The following NDUFAF6 variants were observed in gnomAD, a reference collection of about 807,000 sequenced individuals.
NDUFAF6 encodes the protein NADH dehydrogenase (ubiquinone) complex I, assembly factor 6.
Under a neutral mutation model 40.8 loss-of-function variants are expected in NDUFAF6, and 45 were observed. The observed-to-expected ratio is 1.10, with a 90% CI of 0.87 to 1.42. The LOEUF (loss-of-function observed/expected upper bound fraction) is 1.42, where lower values mean the gene tolerates loss of function less well. Among genes scored for constraint, NDUFAF6 ranks in the 40% most tolerant of loss-of-function variants. NDUFAF6 has a pLI of 0.00. For synonymous variants in NDUFAF6, 185 were observed against 155.9 expected, an observed-to-expected ratio of 1.19 and a Z score of -1.39; for missense variants, 435 against 418.5, an observed-to-expected ratio of 1.04 and a Z score of -0.34.
intron 2 of NDUFAF6, among the ~76,000 whole-genome samples, chr8:95,009,777 G>A (rs564530086): frequency 1.4e-4 from 21 of 152,238 alleles, no homozygotes; most frequent in African/African-American, 5.1e-4. Flanking sequence ...AGAGAAAGGA[G>A]TATTTAGAGA....
chr8:94,909,470 C>G (rs1272302357), intron 1 of NDUFAF6, among the ~76,000 whole-genome samples: 1 of 142,762 alleles, frequency 7.0e-6, no homozygotes, highest in East Asian at 2.1e-4. Flanking sequence ...ACTAAAAATA[C>G]AAAAAATTAG....
Position 95,071,197 on chromosome 8 carries a change from T to C in NDUFAF6, c.*512-4436T>C, listed in dbSNP as rs551505895. Among the ~76,000 whole-genome samples the C allele has an allele frequency of 9.3e-5, 14 of 150,514 alleles. No homozygotes were observed. In the South Asian group the frequency reaches 1.1e-3, roughly 11 times the overall value. On this transcript the variant is annotated intron_variant and NMD_transcript_variant, in intron 9 of 9. Coordinates refer to the NDUFAF6 transcript ENST00000520757. ...CGAGGTCAGGAAATCAAGACCATCC[T>C]GGCTAACACGGTGAAAACCCGTCTC...
downstream of NDUFAF6, among the ~76,000 whole-genome samples, chr8:95,059,074 T>A (rs1036454255): frequency 6.6e-6 from 1 of 152,114 alleles, no homozygotes; most frequent in Non-Finnish European, 1.5e-5. Context: ...TATAAAACTT[T>A]TAGAAAATGC....
chr8:94,959,981 ACT>A (rs1350123712), intron 1 of NDUFAF6, among the ~76,000 whole-genome samples: 1 of 151,800 alleles, frequency 6.6e-6, no homozygotes, highest in Non-Finnish European at 1.5e-5. Flanking sequence ...ACTTCTACAA[ACT>A]CTCTTATCAC....
At chr8:94,998,379 TACACACACACAC>T (rs200968954) in intron 2 of NDUFAF6, among the ~76,000 whole-genome samples, 117 of 138,414 alleles carry the variant, frequency 8.5e-4, no homozygotes, top group African/African-American at 2.7e-3. Context: ...TGCAATCAAA[TACACACACACAC>T]ACACACACAC....
chr8:94,913,838 C>A (rs1818943217), intron 1 of NDUFAF6, among the ~76,000 whole-genome samples: 1 of 152,172 alleles, frequency 6.6e-6, no homozygotes. Flanking sequence ...GTCATCCAGG[C>A]TGGAGTGCTG....
intron 1 of NDUFAF6, among the ~76,000 whole-genome samples, chr8:94,918,114 G>T (rs922726406): frequency 1.3e-5 from 2 of 152,060 alleles, no homozygotes; most frequent in Admixed American, 6.5e-5. Flanking sequence ...ATGAAATTCT[G>T]CCTGACTTTT....
chr8:95,106,562 A>G (rs369312600), downstream of NDUFAF6, among the ~76,000 whole-genome samples: 3 of 152,256 alleles, frequency 2.0e-5, no homozygotes, highest in Admixed American at 6.5e-5. Flanking sequence ...CATTCAGGAC[A>G]GAGGCATGGG....
chr8:94,970,253 C>CAAAAAA (rs891358442), intron 1 of NDUFAF6, among the ~76,000 whole-genome samples: 6 of 62,818 alleles, frequency 9.6e-5, no homozygotes, highest in East Asian at 5.6e-4. Context: ...GACTCCGTCT[C>CAAAAAA]AAAAAAAAAA....
intron 1 of NDUFAF6, among the ~76,000 whole-genome samples, chr8:94,963,252 T>C (rs893561632): frequency 4.6e-5 from 7 of 152,158 alleles, no homozygotes; most frequent in Admixed American, 1.3e-4. Context: ...GCATGAAAAA[T>C]GGCATTTAAC....
At chr8:95,025,242 C>T (rs1827956378) in intron 1 of NDUFAF6, 37 bp downstream of exon 1, 1 of 1,356,292 alleles carries the variant, frequency 7.4e-7, no homozygotes, top group Non-Finnish European at 9.4e-7. Context: ...CGGCGGGAAG[C>T]GGGGTCCCGG....
At chr8:95,039,313 C>T (rs942406088) in intron 3 of NDUFAF6, among the ~76,000 whole-genome samples, 1 of 151,880 alleles carries the variant, frequency 6.6e-6, no homozygotes, top group Non-Finnish European at 1.5e-5. Flanking sequence ...ATTAGCCGGG[C>T]GTAGTGGTGT....
upstream of NDUFAF6, among the ~76,000 whole-genome samples, chr8:95,023,762 G>A (rs1827798253): frequency 2.0e-5 from 3 of 152,172 alleles, no homozygotes; most frequent in Admixed American, 2.0e-4. Flanking sequence ...ATGGGAGACT[G>A]AGGTGGGCGG....
At chr8:95,091,844 T>G (rs1003969647) in intron 2 of NDUFAF6, among the ~76,000 whole-genome samples, 18 of 146,482 alleles carry the variant, frequency 1.2e-4, no homozygotes, top group African/African-American at 4.6e-4. Flanking sequence ...TCTCGTATGT[T>G]GCCCAGGCTG....
chr8:94,989,558 G>A (rs1826101059), intron 2 of NDUFAF6, among the ~76,000 whole-genome samples: 1 of 152,202 alleles, frequency 6.6e-6, no homozygotes, highest in African/African-American at 2.4e-5. Flanking sequence ...ATGTGAATGA[G>A]TGAATAATGA....
chr8:94,896,468 G>C (rs1190014193), intron 1 of NDUFAF6: 1 of 152,268 alleles, frequency 6.6e-6, no homozygotes, highest in Non-Finnish European at 1.5e-5. Flanking sequence ...ACTGCACATC[G>C]TCAAGTCAGA....
At chr8:94,946,470 G>A (rs562334785) in intron 2 of NDUFAF6, among the ~76,000 whole-genome samples, 3 of 151,806 alleles carry the variant, frequency 2.0e-5, no homozygotes, top group African/African-American at 7.2e-5. Context: ...GGATGCCAAG[G>A]CAGGAGGATC....
chr8:95,106,459 TA>T (rs1294040515), downstream of NDUFAF6, among the ~76,000 whole-genome samples: 3 of 152,122 alleles, frequency 2.0e-5, no homozygotes, highest in Non-Finnish European at 4.4e-5. Context: ...ACCCCTTCCT[TA>T]AACCTTATAC....
At chr8:94,970,180 G>C (rs1824343564) in intron 1 of NDUFAF6, among the ~76,000 whole-genome samples, 1 of 147,584 alleles carries the variant, frequency 6.8e-6, no homozygotes, top group Non-Finnish European at 1.5e-5. Context: ...GCTTGAACGT[G>C]GGAGGTAGAG....
Sources: gnomAD v4.1 joint callset for allele counts (sites outside exome capture counted in the v4.1 genomes callset) on GRCh38, gnomAD v4.1.1 for gene constraint, MANE v1.5 for transcripts, NCBI Gene and HGNC (gene_info 2026-07-23, HGNC 2026-07-21) for gene names.